NRXN1: variants seen among roughly 807,000 people sequenced by gnomAD.
The protein encoded by NRXN1 is neurexin-1.
A neutral mutation model predicts 150.9 loss-of-function variants in NRXN1; 39 were observed. That is an observed-to-expected ratio of 0.26 (90% CI 0.20 to 0.34). NRXN1 has a LOEUF of 0.34. Among genes scored for constraint, NRXN1 ranks in the 10% least tolerant of loss-of-function variants. The pLI is 1.00. For synonymous variants in NRXN1, 924 were observed against 757.0 expected (o/e 1.22, Z -3.62); for missense variants, 1,815 against 1,949.9 (o/e 0.93, Z 1.30).
intron 17 of NRXN1, among the ~76,000 whole-genome samples, chr2:50,387,316 T>TGA (rs1340896887): frequency 6.6e-6 from 1 of 152,032 alleles, no homozygotes; most frequent in East Asian, 1.9e-4. Flanking sequence ...GACTTCAGGG[T>TGA]GGGTGGGGTA....
intron 5 of NRXN1, among the ~76,000 whole-genome samples, chr2:50,791,835 C>T (rs1017623043): frequency 2.6e-5 from 4 of 152,010 alleles, no homozygotes; most frequent in African/African-American, 9.7e-5. Context: ...TCCTTATCTG[C>T]TTGTATTAAT....
intron 18 of NRXN1, among the ~76,000 whole-genome samples, chr2:50,158,866 T>C (rs879872634): frequency 5.9e-5 from 9 of 152,138 alleles, no homozygotes; most frequent in Non-Finnish European, 1.2e-4. Flanking sequence ...TAATTGATTC[T>C]ACAATATTAT....
chr2:50,384,747 T>G (rs1294682347), intron 17 of NRXN1, among the ~76,000 whole-genome samples: 1 of 141,188 alleles, frequency 7.1e-6, no homozygotes, highest in East Asian at 2.4e-4. Flanking sequence ...GTTCAATACT[T>G]CAAAAAAATT....
chr2:50,349,121 A>C (rs1049770249), intron 17 of NRXN1, among the ~76,000 whole-genome samples: 1 of 152,194 alleles, frequency 6.6e-6, no homozygotes, highest in African/African-American at 2.4e-5. Flanking sequence ...CACCTGTAGC[A>C]ATCACACATG....
In NRXN1 at chr2:50,506,456, C is replaced by A. The variant is rs200588982; in HGVS notation, c.2497+39G>T. The A allele has an allele frequency of 1.8e-5, 28 of 1,579,678 alleles. No individual in the cohort carries two copies. The African/African-American group carries it at 3.4e-4, about 19-fold the overall frequency. ...ACCTGCAAGAAATGAGAGTCAAAAG[C>A]GTTAGCATAGGAAAAGACAATGGGA... On this transcript the variant is annotated intron_variant, in intron 13 of 22. Transcript: ENST00000401669.
chr2:50,895,974 A>G (rs1285382368), intron 5 of NRXN1, among the ~76,000 whole-genome samples: 1 of 152,036 alleles, frequency 6.6e-6, no homozygotes, highest in Non-Finnish European at 1.5e-5. Flanking sequence ...AAAGCTCCCA[A>G]ATTTCAAATT....
chr2:50,986,075 T>C (rs1416897109), intron 2 of NRXN1, among the ~76,000 whole-genome samples: 1 of 151,722 alleles, frequency 6.6e-6, no homozygotes, highest in Non-Finnish European at 1.5e-5. Context: ...TAAAGATTAA[T>C]ATAGATTAAT....
intron 17 of NRXN1, among the ~76,000 whole-genome samples, chr2:50,451,687 TGA>T (rs2086979543): frequency 6.6e-6 from 1 of 152,234 alleles, no homozygotes; most frequent in South Asian, 2.1e-4. Context: ...TATTCAATAC[TGA>T]GATATTTCAT....
intron 18 of NRXN1, among the ~76,000 whole-genome samples, chr2:50,115,872 T>C (rs1242609265): frequency 6.6e-6 from 1 of 152,132 alleles, no homozygotes; most frequent in East Asian, 1.9e-4. Flanking sequence ...ATATTCAATT[T>C]ATAAGCAGTC....
At chr2:50,420,512 G>A (rs1384911765) in intron 17 of NRXN1, among the ~76,000 whole-genome samples, 1 of 151,972 alleles carries the variant, frequency 6.6e-6, no homozygotes, top group African/African-American at 2.4e-5. Context: ...TGCTATTAGT[G>A]GAGTGTTTGC....
chr2:50,281,948 A>AATTTTATTAATATTGAGAAAT (rs2071516566), intron 17 of NRXN1, among the ~76,000 whole-genome samples: 1 of 151,924 alleles, frequency 6.6e-6, no homozygotes, highest in African/African-American at 2.4e-5. Flanking sequence ...TCTTGAGAAA[A>AATTTTATTAATATTGAGAAAT]AATTTTATTA....
At chr2:50,350,431 T>C (rs1248473994) in intron 17 of NRXN1, among the ~76,000 whole-genome samples, 1 of 152,118 alleles carries the variant, frequency 6.6e-6, no homozygotes, top group Non-Finnish European at 1.5e-5. Flanking sequence ...TTGTTTACAG[T>C]GTGAGAGCTG....
chr2:50,327,282 A>G (rs1194141646), intron 17 of NRXN1, among the ~76,000 whole-genome samples: 1 of 152,216 alleles, frequency 6.6e-6, no homozygotes, highest in African/African-American at 2.4e-5. Flanking sequence ...GAAACCAGAC[A>G]CAAAACAGAA....
chr2:50,869,856 T>G (rs1677497649), intron 5 of NRXN1, among the ~76,000 whole-genome samples: 1 of 151,866 alleles, frequency 6.6e-6, no homozygotes, highest in African/African-American at 2.4e-5. Flanking sequence ...ATTTAAGGCA[T>G]TAAAGTTGAA....
intron 17 of NRXN1, among the ~76,000 whole-genome samples, chr2:50,387,354 A>G (rs1295718968): frequency 6.6e-6 from 1 of 152,144 alleles, no homozygotes; most frequent in Non-Finnish European, 1.5e-5. Context: ...AAAACACCTG[A>G]AAAGGTAAAA....
intron 5 of NRXN1, among the ~76,000 whole-genome samples, chr2:50,764,080 C>G (rs911567115): frequency 6.6e-6 from 1 of 151,196 alleles, no homozygotes; most frequent in African/African-American, 2.4e-5. Flanking sequence ...CAGTCCATAG[C>G]TCTCTGTTCT....
intron 22 of NRXN1, among the ~76,000 whole-genome samples, chr2:49,941,145 C>T (rs1352277205): frequency 1.3e-5 from 2 of 151,758 alleles, no homozygotes; most frequent in African/African-American, 4.8e-5. Context: ...ATGGAATTTA[C>T]CTTGTGGGGA....
chr2:50,644,606 T>A (rs186024491), intron 5 of NRXN1, among the ~76,000 whole-genome samples: 1 of 151,616 alleles, frequency 6.6e-6, no homozygotes, highest in Non-Finnish European at 1.5e-5. Flanking sequence ...CTAGAAGAAT[T>A]TTTTTCCCCC....
chr2:50,341,397 TA>T (rs71904122), intron 17 of NRXN1, among the ~76,000 whole-genome samples: 18,898 of 144,838 alleles, frequency 0.13, 1,615 homozygotes, highest in East Asian at 0.48. Context: ...AAGTATTTCT[TA>T]AAAAAAAAAA....
Sources: gnomAD v4.1 joint callset for allele counts (sites outside exome capture counted in the v4.1 genomes callset) on GRCh38, gnomAD v4.1.1 for gene constraint, MANE v1.5 for transcripts, NCBI Gene and HGNC (gene_info 2026-07-23, HGNC 2026-07-21) for gene names.